Variants in SNRPA observed in about 807,000 individuals in gnomAD.
SNRPA encodes the protein U1 small nuclear ribonucleoprotein A.
SNRPA carries 10 observed loss-of-function variants against 24.5 expected under a neutral mutation model. The ratio of observed to expected loss-of-function variants is 0.41; its 90% CI spans 0.25 to 0.69. SNRPA has a LOEUF of 0.69. Among genes scored for constraint, SNRPA ranks in the 30% least tolerant of loss-of-function variants. The pLI is 0.33. For missense variants in SNRPA, 283 were observed against 394.7 expected (o/e 0.72, Z 2.40); for synonymous variants, 165 against 148.4 (o/e 1.11, Z -0.81).
At chr19:40,753,127 G>T (rs1254144854) in intron 1 of SNRPA, among the ~76,000 whole-genome samples, 1 of 152,090 alleles carries the variant, frequency 6.6e-6, no homozygotes, top group Non-Finnish European at 1.5e-5. Flanking sequence ...GGCTGAGGTG[G>T]GCAGATCATT....
At chr19:40,755,585 A>G (rs1020014568) in intron 1 of SNRPA, among the ~76,000 whole-genome samples, 1 of 152,206 alleles carries the variant, frequency 6.6e-6, no homozygotes, top group Admixed American at 6.5e-5. Context: ...CCTATTGCCC[A>G]GACTGGTCTT....
intron 3 of SNRPA, among the ~76,000 whole-genome samples, chr19:40,761,591 C>T (rs558435714): frequency 9.3e-5 from 14 of 150,868 alleles, no homozygotes; most frequent in Middle Eastern, 3.4e-3. Flanking sequence ...CCCTGCCTCC[C>T]GAGGATCTGG....
chr19:40,751,422 A>G lies in SNRPA; in HGVS notation c.14A>G (p.Glu5Gly), dbSNP rs528661832. 1 of 1,613,188 alleles carries G rather than the reference A, an allele frequency of 6.2e-7. No homozygotes were observed. Among genetic ancestry groups the G allele is most frequent in the South Asian group, 1.1e-5 (1 of 91,052 alleles). ...ACACTTCACTCCATGGCAGTTCCCG[A>G]GACCCGCCCTAACCACACTATTTAT... MAVP[E>G]TRPNHTIYIN... The change falls in exon 1 of 6, where the codon GAG becomes GGG. Residue 5 changes from glutamate (E) to glycine (G), a missense_variant. Around this residue, in one of 6 missense-constraint regions of SNRPA, gnomAD observed 32 missense variants for 26.8 expected, o/e 1.19. Coordinates refer to ENST00000243563, the MANE Select transcript of SNRPA (RefSeq NM_004596.5).
Position 40,751,253 on chromosome 19 carries a change from C to T in SNRPA, c.-156C>T. The T allele has an allele frequency of 1.5e-6, 1 of 678,988 alleles. No homozygotes were observed. Among genetic ancestry groups the T allele is most frequent in the Non-Finnish European group, 2.7e-6 (1 of 369,004 alleles). The allele number at this position is 678,988 out of a possible 1,614,324, so 42.1% of individuals were successfully genotyped here. A position where few individuals can be genotyped will look rare whatever the true frequency, so the allele number is the denominator to read the frequency against. ...GGGTCCTACGCACGCTTTGTTGTCG[C>T]GCTTTGCCTCCGTCCTTGCCCCTAC... On this transcript the variant is annotated 5_prime_UTR_variant, in exon 1 of 6. Transcript: ENST00000243563.
In SNRPA at chr19:40,757,516, G is replaced by A. The variant is rs531185634; in HGVS notation, c.246+12G>A. ...ATGACAAACCTATGGTGAGCATTGC[G>A]GGTACGGAGGCTGTGTGGGTGTGTA... On this transcript the variant is annotated intron_variant, in intron 2 of 5. Coordinates refer to ENST00000243563, the MANE Select transcript of SNRPA (RefSeq NM_004596.5). 4.2e-5 allele frequency: 67 copies of A among 1,602,860 alleles called. No homozygotes were observed. Among genetic ancestry groups the A allele is most frequent in the Admixed American group, 3.6e-4 (21 of 58,318 alleles).
In SNRPA at chr19:40,761,441, CTTTTCT is replaced by C. The variant is rs1424273874; in HGVS notation, c.427-1443_427-1438del. On this transcript the variant is annotated intron_variant, in intron 3 of 5. Transcript: ENST00000243563. ...CAAAATATAGTTTCTTTTCTCTTTT[CTTTTCT>C]TTTTCTTTTTCTTTTTTTTTTTTTT... Among the ~76,000 whole-genome samples the C allele has an allele frequency of 1.1e-4, 13 of 121,478 alleles. 1 individual carries two copies. Among genetic ancestry groups the C allele is most frequent in the East Asian group, 2.3e-4 (1 of 4,416 alleles). The allele number at this position is 121,478 out of a possible 152,430, so 79.7% of individuals were successfully genotyped here.
At chr19:40,752,758 A>G (rs1318937631) in intron 1 of SNRPA, among the ~76,000 whole-genome samples, 6 of 8,042 alleles carry the variant, frequency 7.5e-4, no homozygotes, top group African/African-American at 5.5e-3. Flanking sequence ...GAAAAAAGGA[A>G]AAAAAAAAAG....
chr19:40,755,263 T>TC (rs2082903840), intron 1 of SNRPA, among the ~76,000 whole-genome samples: 1 of 139,956 alleles, frequency 7.1e-6, no homozygotes, highest in Non-Finnish European at 1.5e-5. Flanking sequence ...TTTTCTTTTT[T>TC]TTTTTTTTTT....
intron 3 of SNRPA, 68 bp downstream of exon 3, chr19:40,759,678 G>A: frequency 7.0e-7 from 1 of 1,436,186 alleles, no homozygotes; most frequent in Non-Finnish European, 9.4e-7. Context: ...ACTGGCTTTG[G>A]GACAGGGTGG....
In SNRPA at chr19:40,765,205, G is replaced by A. The variant is rs200257392; in HGVS notation, c.*38G>A. 2.5e-4 allele frequency: 352 copies of A among 1,426,474 alleles called. No homozygotes were observed. Among genetic ancestry groups the A allele is most frequent in the Middle Eastern group, 1.3e-3 (6 of 4,690 alleles). 88.4% of individuals were successfully genotyped at this position (1,426,474 alleles called of 1,614,324 possible). On this transcript the variant is annotated 3_prime_UTR_variant, in exon 6 of 6. Coordinates refer to ENST00000243563, the MANE Select transcript of SNRPA (RefSeq NM_004596.5). ...CCATGCCTGCCCCTTCCCCTGTTCT[G>A]GGGCCACCCCTTTCCCCCTTGGCTC... is the stretch of plus-strand genomic sequence containing the variant.
chr19:40,759,645 C>T (rs1278047653), intron 3 of SNRPA, 35 bp downstream of exon 3: 2 of 1,560,388 alleles, frequency 1.3e-6, no homozygotes, highest in Non-Finnish European at 1.7e-6. Flanking sequence ...CCTCCCACTG[C>T]CAGACCTTCC....
In SNRPA at chr19:40,759,541, G is replaced by T. The variant is rs775733682; in HGVS notation, c.357G>T (p.Pro119=). The T allele has an allele frequency of 8.7e-6, 14 of 1,613,970 alleles. No homozygotes were observed. The East Asian group carries it at 3.1e-4, about 36-fold the overall frequency. The change falls in exon 3 of 6, where the codon CCG becomes CCT. Residue 119 remains proline, a synonymous_variant. Transcript: ENST00000243563. ...GGAAGCCCAAGAGCCAGGAGACCCC[G>T]GCCACCAAGAAGGCTGTGCAAGGCG... is the stretch of plus-strand genomic sequence containing the variant. ...EKRKPKSQET[P]ATKKAVQGGG...
intron 1 of SNRPA, among the ~76,000 whole-genome samples, chr19:40,756,839 T>C (rs1338593822): frequency 6.6e-6 from 1 of 152,106 alleles, no homozygotes; most frequent in Non-Finnish European, 1.5e-5. Context: ...GAGGCCACCA[T>C]GTAAACCTCA....
intron 1 of SNRPA, among the ~76,000 whole-genome samples, chr19:40,755,310 C>T (rs77568225): frequency 0.036 from 4,994 of 139,608 alleles, 283 homozygotes; most frequent in African/African-American, 0.13. Context: ...GGGGTTTCAC[C>T]GTCTTGGCCA....
chr19:40,759,399 G>A lies in SNRPA; in HGVS notation c.247-32G>A, dbSNP rs201045677. The A allele has an allele frequency of 4.5e-5, 70 of 1,554,240 alleles. 1 individual carries two copies. The South Asian group carries it at 4.5e-4, about 10-fold the overall frequency. ...CTTGGCAATTGGGCTCTGAATCCAC[G>A]CTCTTAACCCGTTCTGCTCTCTGTT... On this transcript the variant is annotated intron_variant, in intron 2 of 5. Transcript: ENST00000243563.
chr19:40,752,467 G>A (rs1418893333), intron 1 of SNRPA, among the ~76,000 whole-genome samples: 1 of 151,790 alleles, frequency 6.6e-6, no homozygotes, highest in South Asian at 2.1e-4. Flanking sequence ...TTTTGGCCGG[G>A]CGTGGTGGTT....
chr19:40,764,174 G>A (rs1198897573), intron 5 of SNRPA, among the ~76,000 whole-genome samples: 1 of 152,130 alleles, frequency 6.6e-6, no homozygotes, highest in Non-Finnish European at 1.5e-5. Context: ...CGTGGGTGTG[G>A]GTGAGTTCAT....
At chr19:40,757,594 T>TC in intron 2 of SNRPA, 90 bp downstream of exon 2, 1 of 1,262,482 alleles carries the variant, frequency 7.9e-7, no homozygotes, top group South Asian at 1.5e-5. Context: ...ATATTACGGT[T>TC]CATTTGCCAA....
At chr19:40,751,507 C>T (rs978114589) in intron 1 of SNRPA, 26 bp downstream of exon 1, 29 of 1,536,264 alleles carry the variant, frequency 1.9e-5, no homozygotes, top group African/African-American at 1.5e-4. Flanking sequence ...AGTCCGGAGT[C>T]CAGACTGTCC....
Sources: allele counts gnomAD v4.1 joint callset (sites outside exome capture counted in the v4.1 genomes callset), GRCh38; gene constraint gnomAD v4.1.1; regional missense constraint gnomAD v4.1.1; transcripts MANE v1.5; gene names NCBI Gene and HGNC (gene_info 2026-07-23, HGNC 2026-07-21).